The following MAST2 variants were observed in gnomAD, a reference collection of about 807,000 sequenced individuals.
The protein encoded by MAST2 is microtubule-associated serine/threonine-protein kinase 2.
MAST2 carries 70 observed loss-of-function variants against 147.4 expected under a neutral mutation model. The ratio of observed to expected loss-of-function variants is 0.47; its 90% CI spans 0.39 to 0.58. MAST2 has a LOEUF of 0.58. MAST2 is among the 20% of genes least tolerant of loss of function. The pLI, the probability that MAST2 is intolerant of heterozygous loss-of-function variation, is 0.00. For missense variants in MAST2, 2,080 were observed against 2,302.3 expected (o/e 0.90, Z 1.98); for synonymous variants, 869 against 896.8 (o/e 0.97, Z 0.55).
chr1:46,013,208 A>T (rs1384148553), intron 10 of MAST2, among the ~76,000 whole-genome samples: 4 of 152,196 alleles, frequency 2.6e-5, no homozygotes, highest in African/African-American at 4.8e-5. Flanking sequence ...ATTATTTCCT[A>T]AATTTACAGA....
At chr1:45,867,779 T>A (rs561137144) in intron 3 of MAST2, among the ~76,000 whole-genome samples, 1 of 152,168 alleles carries the variant, frequency 6.6e-6, no homozygotes, top group Admixed American at 6.5e-5. Context: ...GATGTATAGG[T>A]TAGGGTACTC....
At chr1:45,926,597 C>T (rs1400078115) in intron 4 of MAST2, among the ~76,000 whole-genome samples, 1 of 152,142 alleles carries the variant, frequency 6.6e-6, no homozygotes, top group Non-Finnish European at 1.5e-5. Flanking sequence ...GAATTACATT[C>T]TTTCTAAAAG....
chr1:45,878,203 CAA>C (rs34794896), intron 3 of MAST2, among the ~76,000 whole-genome samples: 48,874 of 114,910 alleles, frequency 0.43, 7,751 homozygotes, highest in East Asian at 0.6. Context: ...GGCTCTATCT[CAA>C]AAAAAAAAAA....
At chr1:45,856,870 C>T (rs2148032402) in intron 3 of MAST2, among the ~76,000 whole-genome samples, 1 of 151,610 alleles carries the variant, frequency 6.6e-6, no homozygotes, top group African/African-American at 2.4e-5. Context: ...AGATGTGCAT[C>T]ATATGTAGGG....
intron 3 of MAST2, among the ~76,000 whole-genome samples, chr1:45,879,923 G>A (rs1646771444): frequency 6.6e-6 from 1 of 152,128 alleles, no homozygotes; most frequent in African/African-American, 2.4e-5. Context: ...CATGAATGTA[G>A]AGTAGTTCGA....
chr1:45,912,608 G>A (rs1184949377), intron 4 of MAST2, among the ~76,000 whole-genome samples: 1 of 152,166 alleles, frequency 6.6e-6, no homozygotes, highest in Admixed American at 6.5e-5. Flanking sequence ...AGTTTGATAC[G>A]CTTTGTCATC....
intron 4 of MAST2, 94 bp from the exon 5 acceptor site, chr1:45,959,292 G>A (rs4460582): frequency 1 from 894,905 of 895,282 alleles, 447,269 homozygotes; most frequent in Middle Eastern, 1. Context: ...GCGGCCCGTG[G>A]AATGGTGTCC....
chr1:45,912,672 A>G (rs947003204), intron 4 of MAST2, among the ~76,000 whole-genome samples: 3 of 152,222 alleles, frequency 2.0e-5, no homozygotes, highest in African/African-American at 7.2e-5. Context: ...AGCAGGGGAC[A>G]AGACTTGCTT....
chr1:45,996,186 A>G (rs1299780414), intron 5 of MAST2, among the ~76,000 whole-genome samples: 1 of 151,728 alleles, frequency 6.6e-6, no homozygotes, highest in African/African-American at 2.4e-5. Context: ...GTACCTCTGT[A>G]ACCAGACCGA....
At chr1:45,888,714 C>T (rs1647217146) in intron 4 of MAST2, among the ~76,000 whole-genome samples, 1 of 90,206 alleles carries the variant, frequency 1.1e-5, no homozygotes, top group African/African-American at 4.2e-5. Context: ...TGGAGTCTTG[C>T]TCTCTCGCCC....
chr1:45,861,066 A>G (rs1425066729), intron 3 of MAST2, among the ~76,000 whole-genome samples: 1 of 152,116 alleles, frequency 6.6e-6, no homozygotes, highest in East Asian at 1.9e-4. Flanking sequence ...TTCCCCATTT[A>G]ATTATTCTTA....
At chr1:45,814,995 G>A (rs550972199) in intron 1 of MAST2, among the ~76,000 whole-genome samples, 1 of 152,228 alleles carries the variant, frequency 6.6e-6, no homozygotes, top group Admixed American at 6.5e-5. Context: ...TTCAGCCCAA[G>A]GGAACCATGT....
At chr1:45,836,360 G>C (rs376322247) in intron 3 of MAST2, among the ~76,000 whole-genome samples, 1 of 152,092 alleles carries the variant, frequency 6.6e-6, no homozygotes, top group African/African-American at 2.4e-5. Context: ...ACTGTCTGTT[G>C]AGGTCACATG....
intron 3 of MAST2, among the ~76,000 whole-genome samples, chr1:45,876,216 T>G (rs1646600339): frequency 6.6e-6 from 1 of 152,172 alleles, no homozygotes; most frequent in South Asian, 2.1e-4. Context: ...GCTGGTAAGG[T>G]CTAGGGATAT....
At chr1:45,889,994 C>G (rs149692152) in intron 4 of MAST2, among the ~76,000 whole-genome samples, 1 of 152,118 alleles carries the variant, frequency 6.6e-6, no homozygotes, top group East Asian at 1.9e-4. Flanking sequence ...CCGCCTGCCT[C>G]GGCCTCCCAA....
At chr1:45,835,725 CA>C (rs1645083377) in intron 3 of MAST2, among the ~76,000 whole-genome samples, 1 of 151,822 alleles carries the variant, frequency 6.6e-6, no homozygotes, top group East Asian at 1.9e-4. Context: ...CCATCCCCTG[CA>C]AAAAAAATCC....
In MAST2 at chr1:46,023,159, T is replaced by TA; in HGVS notation, c.1486-73dup. 7.2e-7 allele frequency: 1 copy of TA among 1,398,548 alleles called. No individual in the cohort carries two copies. Among genetic ancestry groups the TA allele is most frequent in the Non-Finnish European group, 1.0e-6 (1 of 983,774 alleles). The allele number at this position is 1,398,548 out of a possible 1,614,324, so 86.6% of individuals were successfully genotyped here. On this transcript the variant is annotated intron_variant, in intron 13 of 28. Coordinates refer to ENST00000361297, the MANE Select transcript of MAST2 (RefSeq NM_015112.3). The surrounding 1 kb of genome is among the most constrained non-coding windows in gnomAD (Gnocchi z 4.9). ...CTAGAGCTGACAGCTGAGAAGATGC[T>TA]AGAGCCACAGCTTCTGCAAGGATAT...
intron 4 of MAST2, among the ~76,000 whole-genome samples, chr1:45,912,149 G>A (rs1299678195): frequency 6.6e-6 from 1 of 151,932 alleles, no homozygotes; most frequent in Non-Finnish European, 1.5e-5. Context: ...AAAAAAAGAG[G>A]GTGCTGAGAG....
chr1:46,030,308 C>T, intron 21 of MAST2, 70 bp downstream of exon 21: 1 of 1,461,770 alleles, frequency 6.8e-7, no homozygotes, highest in Non-Finnish European at 9.5e-7. Context: ...TGTCAAAGGG[C>T]ACACCTGGGG....
Sources: gnomAD v4.1 joint callset for allele counts (sites outside exome capture counted in the v4.1 genomes callset) on GRCh38, gnomAD v4.1.1 for gene constraint, Gnocchi (gnomAD v3.1) non-coding constraint, MANE v1.5 for transcripts, NCBI Gene and HGNC (gene_info 2026-07-23, HGNC 2026-07-21) for gene names.